CSMD1: variants seen among roughly 807,000 people sequenced by gnomAD.
CSMD1 encodes CUB and sushi domain-containing protein 1.
A neutral mutation model predicts 417.5 loss-of-function variants in CSMD1; 213 were observed. The ratio of observed to expected loss-of-function variants is 0.51; its 90% CI spans 0.46 to 0.57. The LOEUF is 0.57. CSMD1 is among the 20% of genes least tolerant of loss of function. The pLI is 0.00. For synonymous variants in CSMD1, 2,862 were observed against 1,736.8 expected, an observed-to-expected ratio of 1.65 and a Z score of -16.11; for missense variants, 6,923 against 4,529.7, an observed-to-expected ratio of 1.53 and a Z score of -15.17.
intron 3 of CSMD1, among the ~76,000 whole-genome samples, chr8:4,343,305 G>A (rs558432091): frequency 2.9e-4 from 44 of 152,126 alleles, no homozygotes; most frequent in African/African-American, 1.0e-3. Context: ...TGGCCAAAGG[G>A]TACAAAATTT....
chr8:3,037,372 AT>A (rs370080297), intron 50 of CSMD1, among the ~76,000 whole-genome samples: 2 of 139,240 alleles, frequency 1.4e-5, no homozygotes, highest in African/African-American at 2.7e-5. Context: ...AGCCCAGCTA[AT>A]TTTTTTTTGT....
chr8:4,476,874 G>C (rs1800829072), intron 2 of CSMD1, among the ~76,000 whole-genome samples: 1 of 152,158 alleles, frequency 6.6e-6, no homozygotes, highest in Non-Finnish European at 1.5e-5. Context: ...ATAAACTACA[G>C]GCTTTTTTGT....
intron 1 of CSMD1, among the ~76,000 whole-genome samples, chr8:4,815,482 G>C (rs1171883302): frequency 2.6e-5 from 4 of 151,752 alleles, no homozygotes; most frequent in African/African-American, 4.8e-5. Context: ...CATCACATGA[G>C]GTCAGGAGAT....
chr8:3,453,837 G>A (rs1203106830), intron 12 of CSMD1, among the ~76,000 whole-genome samples: 2 of 152,164 alleles, frequency 1.3e-5, no homozygotes, highest in Admixed American at 1.3e-4. Context: ...TCTGCTTGGT[G>A]CAGAGCTGAC....
intron 1 of CSMD1, among the ~76,000 whole-genome samples, chr8:4,875,875 A>G (rs1474979534): frequency 6.6e-6 from 1 of 152,066 alleles, no homozygotes; most frequent in East Asian, 1.9e-4. Flanking sequence ...AATTTATGAA[A>G]GCCATTTAGT....
At chr8:4,183,432 C>G (rs1263148238) in intron 3 of CSMD1, among the ~76,000 whole-genome samples, 2 of 152,174 alleles carry the variant, frequency 1.3e-5, no homozygotes, top group African/African-American at 2.4e-5. Context: ...TGGGTCACAG[C>G]TTGTCAATAA....
rs34200940 is a variant in CSMD1 at position 3,586,318 on chromosome 8, G to GAAAA, written c.1098-62_1098-59dup. 108 of 1,213,070 alleles carry GAAAA rather than the reference G, an allele frequency of 8.9e-5. No homozygotes were observed. In the African/African-American group the frequency reaches 1.4e-3, roughly 16 times the overall value. The allele number at this position is 1,213,070 out of a possible 1,614,324, so 75.1% of individuals were successfully genotyped here. On this transcript the variant is annotated intron_variant, in intron 8 of 69. Coordinates refer to ENST00000635120, the MANE Select transcript of CSMD1 (RefSeq NM_033225.6). The stretch of plus-strand genomic sequence containing the variant: ...AATTATTTACAGAAGACTTCTTTAG[G>GAAAA]AAAAAAAAAAAAATCAGCAAAATGG...
chr8:4,946,931 C>T (rs567920212), intron 1 of CSMD1, among the ~76,000 whole-genome samples: 11 of 152,220 alleles, frequency 7.2e-5, no homozygotes, highest in South Asian at 2.1e-4. Context: ...TATGTACATA[C>T]GTATTTTAAT....
At chr8:3,653,790 C>T (rs1332914789) in intron 7 of CSMD1, among the ~76,000 whole-genome samples, 2 of 152,160 alleles carry the variant, frequency 1.3e-5, no homozygotes, top group African/African-American at 2.4e-5. Context: ...ATCCCTAACT[C>T]GTGACACAAG....
At chr8:4,796,393 T>C (rs1175522029) in intron 1 of CSMD1, among the ~76,000 whole-genome samples, 1 of 152,122 alleles carries the variant, frequency 6.6e-6, no homozygotes, top group Non-Finnish European at 1.5e-5. Flanking sequence ...TCTCCCTGTC[T>C]AAGGGCATTT....
At position 4,373,650 on chromosome 8, in the gene CSMD1, A is replaced by T. The variant is rs537789014; in HGVS notation, c.415+46303T>A. ...AATTTCTTTTCTAAAAATATTATGG[A>T]AGTTATGATAGTTTAATGAAACGTT... is the stretch of plus-strand genomic sequence containing the variant. On this transcript the variant is annotated intron_variant, in intron 3 of 69. Coordinates refer to ENST00000635120, the MANE Select transcript of CSMD1 (RefSeq NM_033225.6). Among the ~76,000 whole-genome samples, 20 of 152,282 alleles carry T rather than the reference A, an allele frequency of 1.3e-4. No homozygotes were observed. The South Asian group carries it at 3.1e-3, about 24-fold the overall frequency.
intron 11 of CSMD1, 178 bp from the exon 12 acceptor site, chr8:3,469,002 A>T (rs1030827895): frequency 8.8e-6 from 4 of 455,586 alleles, no homozygotes; most frequent in Non-Finnish European, 1.6e-5. Flanking sequence ...CATCACTATC[A>T]CTGGTGCTTT....
chr8:3,956,162 C>T (rs1811931544), intron 5 of CSMD1, among the ~76,000 whole-genome samples: 1 of 149,560 alleles, frequency 6.7e-6, no homozygotes, highest in South Asian at 2.1e-4. Context: ...ATCTTAGATG[C>T]AAAAAGGTTG....
chr8:4,456,132 T>C (rs1006687823), intron 2 of CSMD1, among the ~76,000 whole-genome samples: 1 of 149,338 alleles, frequency 6.7e-6, no homozygotes, highest in African/African-American at 2.5e-5. Context: ...TTATGCCAAA[T>C]GCTGAGAGGG....
At chr8:3,334,572 C>T (rs1242262861) in intron 23 of CSMD1, among the ~76,000 whole-genome samples, 1 of 152,178 alleles carries the variant, frequency 6.6e-6, no homozygotes, top group African/African-American at 2.4e-5. Context: ...CCCACAGCTC[C>T]ATGCTTTAAT....
chr8:3,607,328 G>T (rs963415485), intron 8 of CSMD1, among the ~76,000 whole-genome samples: 1 of 152,082 alleles, frequency 6.6e-6, no homozygotes, highest in African/African-American at 2.4e-5. Context: ...TCCTTCTTCT[G>T]GATACCACCT....
chr8:3,246,398 G>C (rs1799881610), intron 26 of CSMD1, among the ~76,000 whole-genome samples: 1 of 152,142 alleles, frequency 6.6e-6, no homozygotes, highest in African/African-American at 2.4e-5. Context: ...CAGGAAGCCA[G>C]TTCCTCAGTC....
intron 1 of CSMD1, among the ~76,000 whole-genome samples, chr8:4,730,929 G>C (rs1048159146): frequency 6.6e-6 from 1 of 152,012 alleles, no homozygotes; most frequent in African/African-American, 2.4e-5. Context: ...CATTCCTGAG[G>C]CAACCAGGGC....
chr8:4,876,181 C>T (rs1250607614), intron 1 of CSMD1, among the ~76,000 whole-genome samples: 1 of 152,012 alleles, frequency 6.6e-6, no homozygotes, highest in East Asian at 1.9e-4. Flanking sequence ...TGGGTAATAA[C>T]ATAAATTTAC....
Sources: allele counts gnomAD v4.1 joint callset (sites outside exome capture counted in the v4.1 genomes callset), GRCh38; gene constraint gnomAD v4.1.1; transcripts MANE v1.5; gene names NCBI Gene and HGNC (gene_info 2026-07-23, HGNC 2026-07-21).